Variants in WSCD2 observed in about 807,000 individuals in gnomAD.
WSCD2 encodes sialate:O-sulfotransferase 2.
In WSCD2, 28 loss-of-function variants were observed where a neutral mutation model predicts 55.7. That is an observed-to-expected ratio of 0.50 (90% CI 0.37 to 0.69). The LOEUF is 0.69. Ranked by LOEUF, WSCD2 falls within the 30% of genes least tolerant of loss-of-function variation. The probability of loss-of-function intolerance (pLI) is 0.00; values close to 1 mark genes in which losing one functional copy is unlikely to be tolerated. For synonymous variants in WSCD2, 301 were observed against 301.9 expected (o/e 1.00, Z 0.03); for missense variants, 616 against 762.1 (o/e 0.81, Z 2.26).
chr12:108,188,422 G>A (rs1342352197), intron 1 of WSCD2, among the ~76,000 whole-genome samples: 1 of 152,088 alleles, frequency 6.6e-6, no homozygotes, highest in Non-Finnish European at 1.5e-5. Flanking sequence ...TATCCATCAT[G>A]AGCACGATGG....
intron 4 of WSCD2, among the ~76,000 whole-genome samples, chr12:108,212,514 C>A (rs567941474): frequency 1.3e-5 from 2 of 151,886 alleles, no homozygotes; most frequent in African/African-American, 2.4e-5. Context: ...CCCCTCTCTC[C>A]TTCTCCCCAC....
At chr12:108,169,871 G>A (rs1039636749) in intron 1 of WSCD2, among the ~76,000 whole-genome samples, 6 of 152,168 alleles carry the variant, frequency 3.9e-5, no homozygotes, top group Non-Finnish European at 8.8e-5. Flanking sequence ...TTTGTTGGCA[G>A]TGTTGATATA....
At position 108,138,264 on chromosome 12, in the gene WSCD2, C is replaced by T. The variant is rs923109557; in HGVS notation, c.-552+8338C>T. Among the ~76,000 whole-genome samples the T allele has an allele frequency of 3.3e-5, 5 of 152,134 alleles. No individual in the cohort carries two copies. The East Asian group carries it at 7.7e-4, about 23-fold the overall frequency. ...GGACATTGGATGGAGTTGGGTGAGC[C>T]AGCCTGCCATAGATGCCCCGGCCTC... On this transcript the variant is annotated intron_variant, in intron 1 of 8. Transcript: ENST00000547525.
At chr12:108,145,887 G>T (rs559695780) in intron 1 of WSCD2, among the ~76,000 whole-genome samples, 1 of 152,180 alleles carries the variant, frequency 6.6e-6, no homozygotes, top group Non-Finnish European at 1.5e-5. Flanking sequence ...CATACTACAG[G>T]ATTCTTGTTA....
At position 108,232,896 on chromosome 12, in the gene WSCD2, G is replaced by A. The variant is rs1888920819; in HGVS notation, c.1144+1G>A. 6.2e-7 allele frequency: 1 copy of A among 1,609,132 alleles called. No individual in the cohort carries two copies. Among genetic ancestry groups the A allele is most frequent in the Non-Finnish European group, 8.5e-7 (1 of 1,175,982 alleles). ...TTCGATGGCTCCCTCTACAACAAAGGTGAGGAGATGGCAGGGAGGGCAGGG... is the reference window on the plus strand; with the variant it reads ...TTCGATGGCTCCCTCTACAACAAAGATGAGGAGATGGCAGGGAGGGCAGGG... On this transcript the variant is annotated splice_donor_variant, in intron 7 of 8. Coordinates refer to ENST00000547525, the MANE Select transcript of WSCD2 (RefSeq NM_014653.4). LOFTEE classifies it high-confidence loss of function.
At chr12:108,183,772 T>C (rs890770269) in intron 1 of WSCD2, among the ~76,000 whole-genome samples, 9 of 152,088 alleles carry the variant, frequency 5.9e-5, no homozygotes, top group Non-Finnish European at 1.2e-4. Flanking sequence ...CAATGTCACA[T>C]AGAGGTTAGG....
chr12:108,187,030 C>G (rs998115203), intron 1 of WSCD2, among the ~76,000 whole-genome samples: 3 of 152,162 alleles, frequency 2.0e-5, no homozygotes, highest in East Asian at 1.9e-4. Flanking sequence ...TCTTTGGGCA[C>G]CTGGTGACAG....
rs1481764011 is a variant in WSCD2 at position 108,195,838 on chromosome 12, C to T, written c.6C>T (p.Ala2=). M[A]KLWFKFQRYF... is the part of the protein sequence containing the mutation. ...CAGTCCGGAATGATCCCACTATGGC[C>T]AAGCTCTGGTTCAAATTCCAGCGGT... Residue 2 remains alanine (A), a synonymous_variant, in exon 2 of 9, where the codon GCC becomes GCT. Coordinates refer to ENST00000547525, the MANE Select transcript of WSCD2 (RefSeq NM_014653.4). The T allele has an allele frequency of 6.2e-7, 1 of 1,608,904 alleles. No homozygotes were observed. The highest frequency in any genetic ancestry group is 8.5e-7 in the Non-Finnish European group (1 of 1,177,100).
At chr12:108,155,979 G>A (rs1878465864) in intron 1 of WSCD2, among the ~76,000 whole-genome samples, 1 of 152,214 alleles carries the variant, frequency 6.6e-6, no homozygotes, top group South Asian at 2.1e-4. Flanking sequence ...CCCAGGCTGT[G>A]CCCCCCACAC....
At chr12:108,207,564 T>C (rs1385344562) in intron 3 of WSCD2, among the ~76,000 whole-genome samples, 4 of 144,958 alleles carry the variant, frequency 2.8e-5, no homozygotes, top group Non-Finnish European at 6.0e-5. Flanking sequence ...TTTTTTGGTA[T>C]TTTTAGTAGA....
intron 1 of WSCD2, among the ~76,000 whole-genome samples, chr12:108,193,574 G>A (rs145293015): frequency 7.9e-5 from 12 of 151,856 alleles, no homozygotes; most frequent in Middle Eastern, 3.4e-3. Context: ...GAATAGATGG[G>A]TAGGTGAACT....
intron 1 of WSCD2, among the ~76,000 whole-genome samples, chr12:108,141,244 T>TTTTG (rs1238349852): frequency 6.6e-6 from 1 of 152,130 alleles, no homozygotes; most frequent in Non-Finnish European, 1.5e-5. Context: ...TTTTGTTCTT[T>TTTTG]TTTGTTTGTT....
rs141308427 is a variant in WSCD2, at chr12:108,195,596, C to T, written c.-237C>T. On this transcript the variant is annotated 5_prime_UTR_variant, in exon 2 of 9. The change creates a premature stop within an existing upstream ORF in the 5' untranslated region. Transcript: ENST00000547525. ...GAGCCTCAAAACCCCCTTGTTGGCC[C>T]AAAGAAGCTCACCTTCAGTTTGGGA... 33 of 565,846 alleles carry T rather than the reference C, an allele frequency of 5.8e-5. No individual in the cohort carries two copies. The highest frequency in any genetic ancestry group is 5.8e-4 in the African/African-American group (31 of 53,294). 35.1% of individuals were successfully genotyped at this position (565,846 alleles called of 1,614,324 possible).
chr12:108,135,235 A>G (rs137880655), intron 1 of WSCD2, among the ~76,000 whole-genome samples: 2 of 152,336 alleles, frequency 1.3e-5, no homozygotes, highest in African/African-American at 4.8e-5. Context: ...TTTGCTCAGA[A>G]TCTTCTCAGC....
intron 4 of WSCD2, among the ~76,000 whole-genome samples, chr12:108,214,005 C>T (rs1298618326): frequency 6.6e-6 from 1 of 152,192 alleles, no homozygotes; most frequent in African/African-American, 2.4e-5. Flanking sequence ...CCTTCGATTT[C>T]CTAGGATTAT....
chr12:108,148,142 GGGCCGACCTGTGCATTGTA>G (rs1377204235), intron 1 of WSCD2, among the ~76,000 whole-genome samples: 1 of 152,192 alleles, frequency 6.6e-6, no homozygotes, highest in African/African-American at 2.4e-5. Context: ...GTGTGGCGTG[GGGCCGACCTGTGCATTGTA>G]GGATGTTGAG....
chr12:108,212,600 CTCT>C (rs1886339210), intron 4 of WSCD2, among the ~76,000 whole-genome samples: 1 of 100,718 alleles, frequency 9.9e-6, no homozygotes, highest in African/African-American at 3.5e-5. Context: ...TTCTCTCTCT[CTCT>C]CTCTCTCTCT....
intron 1 of WSCD2, among the ~76,000 whole-genome samples, chr12:108,174,009 G>A (rs183281017): frequency 5.3e-5 from 8 of 152,126 alleles, no homozygotes; most frequent in South Asian, 2.1e-4. Flanking sequence ...GCCAGGCCCC[G>A]TTATGCACTT....
intron 1 of WSCD2, among the ~76,000 whole-genome samples, chr12:108,157,776 C>T (rs1053427011): frequency 3.3e-5 from 5 of 152,284 alleles, no homozygotes; most frequent in Middle Eastern, 3.4e-3. Flanking sequence ...CCTTCCTTGG[C>T]CCTGGTAGAT....
Sources: gnomAD v4.1 joint callset for allele counts (sites outside exome capture counted in the v4.1 genomes callset) on GRCh38, gnomAD v4.1.1 for gene constraint, MANE v1.5 for transcripts, NCBI Gene and HGNC (gene_info 2026-07-23, HGNC 2026-07-21) for gene names.